The following APBB2 variants were observed in gnomAD, a reference collection of about 807,000 sequenced individuals.
APBB2 encodes amyloid beta precursor protein binding family B member 2.
APBB2 carries 38 observed loss-of-function variants against 82.5 expected under a neutral mutation model. The ratio of observed to expected loss-of-function variants is 0.46; its 90% CI spans 0.36 to 0.60. The LOEUF (loss-of-function observed/expected upper bound fraction) is 0.60. Ranked by LOEUF, APBB2 falls within the 20% of genes least tolerant of loss-of-function variation. The pLI is 0.00. For missense variants in APBB2, 772 were observed against 972.3 expected, an observed-to-expected ratio of 0.79 and a Z score of 2.74; for synonymous variants, 341 against 368.2, an observed-to-expected ratio of 0.93 and a Z score of 0.85.
intron 13 of APBB2, among the ~76,000 whole-genome samples, chr4:40,828,720 G>A (rs939399184): frequency 6.6e-6 from 1 of 152,220 alleles, no homozygotes; most frequent in African/African-American, 2.4e-5. Context: ...GCTGCAAATG[G>A]CAGCAACACC....
chr4:40,919,015 A>T (rs1419230693), intron 10 of APBB2, among the ~76,000 whole-genome samples: 2 of 152,076 alleles, frequency 1.3e-5, no homozygotes, highest in Non-Finnish European at 2.9e-5. Flanking sequence ...AAGTCTTTTC[A>T]AGCAGGCCTC....
At chr4:40,837,329 C>T (rs1754293370) in intron 12 of APBB2, among the ~76,000 whole-genome samples, 1 of 152,208 alleles carries the variant, frequency 6.6e-6, no homozygotes, top group African/African-American at 2.4e-5. Flanking sequence ...GTTGGGAGCC[C>T]TTGAGGGCTA....
At chr4:40,854,839 G>T (rs554350736) in intron 12 of APBB2, among the ~76,000 whole-genome samples, 3 of 151,608 alleles carry the variant, frequency 2.0e-5, no homozygotes, top group African/African-American at 7.3e-5. Flanking sequence ...CATTTCCTAG[G>T]GGGGCTGTCC....
At chr4:40,909,136 A>G (rs1354130227) in intron 10 of APBB2, among the ~76,000 whole-genome samples, 1 of 152,196 alleles carries the variant, frequency 6.6e-6, no homozygotes, top group Non-Finnish European at 1.5e-5. Context: ...TTCTGCTACT[A>G]AAGAAAGGCC....
At position 41,088,957 on chromosome 4, in the gene APBB2, C is replaced by T. The variant is rs965002279; in HGVS notation, c.-149+11682G>A. Among the ~76,000 whole-genome samples the T allele has an allele frequency of 7.2e-5, 11 of 152,196 alleles. No individual in the cohort carries two copies. In the South Asian group the frequency reaches 2.3e-3, roughly 32 times the overall value. On this transcript the variant is annotated intron_variant, in intron 3 of 17. Coordinates refer to ENST00000508593, the MANE Select transcript of APBB2 (RefSeq NM_004307.2). ...GGCATGATGTCCAGACTCACCTCAC[C>T]ATATGAAAATGGTTTCTCTTCCAGA... is the stretch of plus-strand genomic sequence containing the variant.
chr4:41,170,356 A>G (rs769517777), intron 1 of APBB2, among the ~76,000 whole-genome samples: 3 of 152,208 alleles, frequency 2.0e-5, no homozygotes, highest in African/African-American at 4.8e-5. Context: ...GCCCCCAGAC[A>G]TAGTCTCAGG....
chr4:40,889,708 CG>C (rs1384775017), intron 12 of APBB2, among the ~76,000 whole-genome samples: 3 of 152,136 alleles, frequency 2.0e-5, no homozygotes, highest in African/African-American at 7.2e-5. Flanking sequence ...ACTTGAAAAT[CG>C]GAACTCGTTT....
At chr4:40,889,146 T>C (rs1771231669) in intron 12 of APBB2, among the ~76,000 whole-genome samples, 1 of 152,344 alleles carries the variant, frequency 6.6e-6, no homozygotes, top group East Asian at 1.9e-4. Flanking sequence ...AGCTCAAAGA[T>C]GCAACTGTGC....
At chr4:40,838,934 C>A (rs1017744624) in intron 12 of APBB2, among the ~76,000 whole-genome samples, 7 of 152,216 alleles carry the variant, frequency 4.6e-5, no homozygotes, top group African/African-American at 1.7e-4. Flanking sequence ...TTCAAAGTCC[C>A]TTTCACAGCA....
At chr4:41,006,953 A>G (rs1265006244) in intron 6 of APBB2, among the ~76,000 whole-genome samples, 2 of 152,236 alleles carry the variant, frequency 1.3e-5, no homozygotes, top group Non-Finnish European at 2.9e-5. Flanking sequence ...TTGTGTTGAC[A>G]TAATTAGGTT....
At chr4:41,100,836 T>C (rs1009414182) in intron 2 of APBB2, 86 bp from the exon 3 acceptor site, 2 of 152,190 alleles carry the variant, frequency 1.3e-5, no homozygotes, top group African/African-American at 4.8e-5. Context: ...ATTCAGAGTA[T>C]CTCTGCATCA....
intron 13 of APBB2, 21 bp downstream of exon 13, chr4:40,830,442 T>G: frequency 6.4e-7 from 1 of 1,566,378 alleles, no homozygotes; most frequent in Non-Finnish European, 8.8e-7. Context: ...AGGCGGCCCA[T>G]ACTGCCCTGA....
chr4:41,149,141 C>T (rs1369362107), intron 1 of APBB2, among the ~76,000 whole-genome samples: 1 of 152,016 alleles, frequency 6.6e-6, no homozygotes. Flanking sequence ...TTTTGGCATA[C>T]AATGGAACAC....
At chr4:41,188,390 C>T (rs914363973) in intron 1 of APBB2, among the ~76,000 whole-genome samples, 1 of 152,184 alleles carries the variant, frequency 6.6e-6, no homozygotes, top group Non-Finnish European at 1.5e-5. Context: ...GTGTTGGAAT[C>T]CCAACTCCAA....
chr4:40,850,941 G>A (rs747963), intron 12 of APBB2, among the ~76,000 whole-genome samples: 28,032 of 151,774 alleles, frequency 0.18, 2,741 homozygotes, highest in Admixed American at 0.24. Context: ...GTGAGACCCC[G>A]TCTCAAAAAA....
chr4:40,819,342 C>T (rs1199530426), intron 17 of APBB2, among the ~76,000 whole-genome samples: 3 of 151,882 alleles, frequency 2.0e-5, no homozygotes, highest in African/African-American at 7.3e-5. Context: ...CATGCCACCA[C>T]GCTCGGCTAA....
At chr4:41,091,413 A>T (rs1315551850) in intron 3 of APBB2, among the ~76,000 whole-genome samples, 1 of 152,214 alleles carries the variant, frequency 6.6e-6, no homozygotes, top group Non-Finnish European at 1.5e-5. Flanking sequence ...TTGTATACAT[A>T]ATGAAGCAAA....
intron 6 of APBB2, among the ~76,000 whole-genome samples, chr4:40,971,583 T>C (rs1578856730): frequency 2.6e-5 from 4 of 152,224 alleles, no homozygotes; most frequent in Admixed American, 6.5e-5. Flanking sequence ...TCATGGCTTC[T>C]GCAATATTTT....
At position 41,193,544 on chromosome 4, in the gene APBB2, G is replaced by A. The variant is rs1431526241; in HGVS notation, c.-417+20861C>T. ...TCCCACAGGCCCTCCTGAGCTCTCC[G>A]AATGGAAACCAGGGACTCCCCAAGG... On this transcript the variant is annotated intron_variant, in intron 1 of 17. Coordinates refer to ENST00000508593, the MANE Select transcript of APBB2 (RefSeq NM_004307.2). The A allele has an allele frequency of 6.1e-6, 6 of 985,124 alleles. No homozygotes were observed. In the South Asian group the frequency reaches 1.9e-4, roughly 31 times the overall value. The allele number at this position is 985,124 out of a possible 1,614,324, so 61.0% of individuals were successfully genotyped here.
Sources: allele counts gnomAD v4.1 joint callset (sites outside exome capture counted in the v4.1 genomes callset), GRCh38; gene constraint gnomAD v4.1.1; transcripts MANE v1.5; gene names NCBI Gene and HGNC (gene_info 2026-07-23, HGNC 2026-07-21).